Variants in SUGCT observed in about 807,000 individuals in gnomAD.
SUGCT encodes the protein succinyl-CoA:glutarate CoA-transferase.
SUGCT carries 41 observed loss-of-function variants against 55.0 expected under a neutral mutation model. The observed-to-expected ratio is 0.74, with a 90% CI of 0.58 to 0.97. The LOEUF (loss-of-function observed/expected upper bound fraction) is 0.97. Ranked by LOEUF, SUGCT falls within the 50% of genes least tolerant of loss-of-function variation. The pLI, the probability that SUGCT is intolerant of heterozygous loss-of-function variation, is 0.00. For synonymous variants in SUGCT, 187 were observed against 200.4 expected (o/e 0.93, Z 0.56); for missense variants, 568 against 547.8 (o/e 1.04, Z -0.37).
chr7:40,783,536 G>A (rs1789861304), intron 13 of SUGCT: 1 of 152,036 alleles, frequency 6.6e-6, no homozygotes, highest in Admixed American at 6.6e-5. Context: ...AGGAGTGGTG[G>A]TAAGAGGCCC....
intron 12 of SUGCT, among the ~76,000 whole-genome samples, chr7:40,658,459 C>T (rs1189742265): frequency 6.6e-6 from 1 of 152,142 alleles, no homozygotes; most frequent in African/African-American, 2.4e-5. Context: ...ATTTAAGGGG[C>T]AGATCTGTCC....
the SUGCT span, among the ~76,000 whole-genome samples, chr7:41,034,111 T>A: frequency 6.6e-6 from 1 of 152,118 alleles, no homozygotes; most frequent in African/African-American, 2.4e-5. Context: ...GTATAATAGG[T>A]CATGAAACCA....
chr7:40,916,592 C>G, the SUGCT span, among the ~76,000 whole-genome samples: 1 of 152,184 alleles, frequency 6.6e-6, no homozygotes, highest in Non-Finnish European at 1.5e-5. Flanking sequence ...GAATCTAGGT[C>G]TACACTTGAA....
At chr7:40,875,692 T>C in the SUGCT span, among the ~76,000 whole-genome samples, 1 of 152,218 alleles carries the variant, frequency 6.6e-6, no homozygotes, top group East Asian at 1.9e-4. Context: ...ATAATGCTAA[T>C]AAAAGCTAAC....
chr7:40,350,489 T>C (rs1435814272), intron 9 of SUGCT, among the ~76,000 whole-genome samples: 2 of 150,998 alleles, frequency 1.3e-5, no homozygotes, highest in Non-Finnish European at 3.0e-5. Context: ...AATTTTTTTT[T>C]TTTTTCTTCT....
chr7:40,774,388 A>G (rs1328942269), intron 13 of SUGCT, among the ~76,000 whole-genome samples: 1 of 152,228 alleles, frequency 6.6e-6, no homozygotes, highest in East Asian at 1.9e-4. Flanking sequence ...GCAAATAAGT[A>G]TAATGAGATA....
chr7:40,898,285 A>G, the SUGCT span, among the ~76,000 whole-genome samples: 2 of 152,078 alleles, frequency 1.3e-5, no homozygotes, highest in African/African-American at 2.4e-5. Context: ...AGAAGGAACA[A>G]ACAACTCCAG....
At chr7:40,193,272 A>G (rs1166868292) in intron 5 of SUGCT, among the ~76,000 whole-genome samples, 1 of 135,910 alleles carries the variant, frequency 7.4e-6, no homozygotes, top group Non-Finnish European at 1.5e-5. Context: ...GGCCTGGCCA[A>G]TTACTGTGTT....
At chr7:40,177,260 G>C (rs914192679) in intron 1 of SUGCT, among the ~76,000 whole-genome samples, 1 of 152,074 alleles carries the variant, frequency 6.6e-6, no homozygotes, top group Admixed American at 6.6e-5. Flanking sequence ...GGACCTCAAA[G>C]ACTTAAGCCA....
At chr7:40,877,717 T>G in the SUGCT span, among the ~76,000 whole-genome samples, 19 of 152,354 alleles carry the variant, frequency 1.2e-4, no homozygotes, top group African/African-American at 4.3e-4. Flanking sequence ...TTCTCAGTTC[T>G]AGAAATAAAA....
Position 40,860,581 on chromosome 7 carries a change from A to T in SUGCT, c.*102A>T, listed in dbSNP as rs1246720340. 2 of 1,226,156 alleles carry T rather than the reference A, an allele frequency of 1.6e-6. No homozygotes were observed. The highest frequency in any genetic ancestry group is 2.2e-6 in the Non-Finnish European group (2 of 909,224). 76.0% of individuals were successfully genotyped at this position (1,226,156 alleles called of 1,614,324 possible). A position where few individuals can be genotyped will look rare whatever the true frequency, so the allele number is the denominator to read the frequency against. On this transcript the variant is annotated 3_prime_UTR_variant, in exon 14 of 14. Coordinates refer to ENST00000335693, the MANE Select transcript of SUGCT (RefSeq NM_001193313.2). ...CCCAGTTCTGATACCACTAAAAAGA[A>T]GATTTAGAGTAACTCCAGATTTCTT...
rs545351704 is a variant in SUGCT at position 40,781,013 on chromosome 7, TG to T, written c.1153+31519del. Among the ~76,000 whole-genome samples, 4 of 152,304 alleles carry T rather than the reference TG, an allele frequency of 2.6e-5. No individual in the cohort carries two copies. In the South Asian group the frequency reaches 8.3e-4, roughly 32 times the overall value. On this transcript the variant is annotated intron_variant, in intron 13 of 13. Transcript: ENST00000335693. ...TTATCTTTCTTCATTCTTCAGGTAT[TG>T]GGTTCCTCATGTGGTTAACTTTACC...
chr7:40,317,155 G>C lies in SUGCT; in HGVS notation c.816+300G>C, dbSNP rs1795488311. ...TCTTTTTTTTTTTTCCCACCTAAAA[G>C]AGGCACTGACTGTAGCCATTTTATA... On this transcript the variant is annotated intron_variant, in intron 9 of 13. Transcript: ENST00000335693. Among the ~76,000 whole-genome samples, 4 of 151,230 alleles carry C rather than the reference G, an allele frequency of 2.6e-5. No individual in the cohort carries two copies. The South Asian group carries it at 8.3e-4, about 31-fold the overall frequency.
At chr7:40,656,236 CTT>C (rs11362084) in intron 12 of SUGCT, among the ~76,000 whole-genome samples, 5 of 145,224 alleles carry the variant, frequency 3.4e-5, no homozygotes, top group African/African-American at 9.9e-5. Context: ...ATCATAGCAT[CTT>C]TTTTTTTTTT....
chr7:40,675,322 G>T (rs184055158), intron 12 of SUGCT, among the ~76,000 whole-genome samples: 2 of 152,330 alleles, frequency 1.3e-5, no homozygotes, highest in East Asian at 3.9e-4. Flanking sequence ...GCCTCCCGAA[G>T]TGCTGGGGTT....
intron 9 of SUGCT, among the ~76,000 whole-genome samples, chr7:40,440,033 CT>C (rs1192888081): frequency 2.0e-5 from 3 of 151,888 alleles, no homozygotes; most frequent in Non-Finnish European, 2.9e-5. Flanking sequence ...ACTTAACTCC[CT>C]TTTTTTCCTA....
intron 12 of SUGCT, among the ~76,000 whole-genome samples, chr7:40,730,878 T>C (rs1404250772): frequency 1.3e-5 from 2 of 152,236 alleles, no homozygotes; most frequent in Non-Finnish European, 2.9e-5. Context: ...CCTTCTCTTT[T>C]AAGGCTGAAT....
At chr7:40,400,729 A>T (rs886132316) in intron 9 of SUGCT, among the ~76,000 whole-genome samples, 17 of 152,116 alleles carry the variant, frequency 1.1e-4, no homozygotes, top group African/African-American at 3.4e-4. Flanking sequence ...GATGTGTTGG[A>T]TTTCTGTGCT....
intron 6 of SUGCT, among the ~76,000 whole-genome samples, chr7:40,198,098 G>A (rs1322991478): frequency 1.3e-5 from 2 of 152,140 alleles, no homozygotes; most frequent in Admixed American, 6.6e-5. Flanking sequence ...AGGAATGAGA[G>A]GGTGATAGGC....
Sources: allele counts gnomAD v4.1 joint callset (sites outside exome capture counted in the v4.1 genomes callset), GRCh38; gene constraint gnomAD v4.1.1; transcripts MANE v1.5; gene names NCBI Gene and HGNC (gene_info 2026-07-23, HGNC 2026-07-21).